BMPR1A: variants seen among roughly 807,000 people sequenced by gnomAD.
BMPR1A encodes the protein bone morphogenetic protein receptor type-1A.
A neutral mutation model predicts 66.0 loss-of-function variants in BMPR1A; 7 were observed. The ratio of observed to expected loss-of-function variants is 0.11; its 90% CI spans 0.06 to 0.20. The LOEUF (loss-of-function observed/expected upper bound fraction) is 0.20. BMPR1A is among the 10% of genes least tolerant of loss of function. The pLI, the probability that BMPR1A is intolerant of heterozygous loss-of-function variation, is 1.00. For synonymous variants in BMPR1A, 200 were observed against 229.7 expected (o/e 0.87, Z 1.17); for missense variants, 408 against 669.1 (o/e 0.61, Z 4.31).
chr10:86,763,146 G>A (rs563940011), intron 1 of BMPR1A, among the ~76,000 whole-genome samples: 6 of 152,064 alleles, frequency 3.9e-5, no homozygotes, highest in East Asian at 3.9e-4. Flanking sequence ...CGCCCACCTC[G>A]GCCTCCCAAA....
intron 1 of BMPR1A, among the ~76,000 whole-genome samples, chr10:86,766,516 G>T (rs1841164692): frequency 6.6e-6 from 1 of 152,000 alleles, no homozygotes; most frequent in Non-Finnish European, 1.5e-5. Flanking sequence ...GTGCAGATTG[G>T]ATGGAAAGTG....
At chr10:86,811,986 T>A (rs78362132) in intron 1 of BMPR1A, among the ~76,000 whole-genome samples, 1 of 150,510 alleles carries the variant, frequency 6.6e-6, no homozygotes, top group South Asian at 2.1e-4. Context: ...GAGGCTGAGA[T>A]GAGAGGATTG....
chr10:86,826,538 C>T (rs1842198490), intron 1 of BMPR1A, among the ~76,000 whole-genome samples: 1 of 152,054 alleles, frequency 6.6e-6, no homozygotes, highest in Non-Finnish European at 1.5e-5. Flanking sequence ...TTTATGAAAT[C>T]TCATCATATT....
intron 1 of BMPR1A, among the ~76,000 whole-genome samples, chr10:86,782,446 C>T (rs1443343707): frequency 6.6e-6 from 1 of 152,130 alleles, no homozygotes; most frequent in Non-Finnish European, 1.5e-5. Context: ...TATAGTCCCA[C>T]CAACAATGCA....
intron 1 of BMPR1A, among the ~76,000 whole-genome samples, chr10:86,773,597 G>GAAAAAAA (rs71019429): frequency 6.8e-4 from 68 of 99,732 alleles, no homozygotes; most frequent in East Asian, 1.8e-3. Flanking sequence ...GTCTCAGAAA[G>GAAAAAAA]AAAAAAAAAA....
chr10:86,919,133 C>T, intron 9 of BMPR1A, 39 bp from the exon 10 acceptor site: 1 of 1,610,484 alleles, frequency 6.2e-7, no homozygotes, highest in South Asian at 1.1e-5. Flanking sequence ...TAGCCTATCT[C>T]TGATGATAAC....
intron 2 of BMPR1A, among the ~76,000 whole-genome samples, chr10:86,853,596 C>CA (rs1564703827): frequency 6.9e-6 from 1 of 145,410 alleles, no homozygotes; most frequent in Non-Finnish European, 1.5e-5. Flanking sequence ...TTCTATTTTC[C>CA]GTAAGTGTTG....
rs114717055 is a variant in BMPR1A, at chr10:86,926,648, G to T, written c.*2929G>T. Reference sequence around the variant, plus strand: ...AGTGAAATATTTAAAGAATATGATAGGCCAGCAAGAAGAAGTATTATGTAG... The same window carrying T: ...AGTGAAATATTTAAAGAATATGATATGCCAGCAAGAAGAAGTATTATGTAG... On this transcript the variant is annotated 3_prime_UTR_variant, in exon 13 of 13. Transcript: ENST00000372037. 1.3e-3 allele frequency: 231 copies of T among 183,058 alleles called. 2 individuals carry two copies. The highest frequency in any genetic ancestry group is 5.3e-3 in the African/African-American group (224 of 42,652). 11.3% of individuals were successfully genotyped at this position (183,058 alleles called of 1,614,324 possible).
Position 86,797,243 on chromosome 10 carries a change from T to TC in BMPR1A, c.-268+40324_-268+40325insC. On this transcript the variant is annotated intron_variant, in intron 1 of 12. Coordinates refer to ENST00000372037, the MANE Select transcript of BMPR1A (RefSeq NM_004329.3). ...CCAAGCCCGGCTAATTTTTTTTTTT[T>TC]TTTTTGAGACGGAGTCTTGCTCTGT... Among the ~76,000 whole-genome samples, 2 of 139,788 alleles carry TC rather than the reference T, an allele frequency of 1.4e-5. 1 individual carries two copies. The highest frequency in any genetic ancestry group is 1.5e-4 in the Admixed American group (2 of 13,596). The allele number at this position is 139,788 out of a possible 152,430, so 91.7% of individuals were successfully genotyped here.
intron 1 of BMPR1A, among the ~76,000 whole-genome samples, chr10:86,778,634 T>C (rs1219534705): frequency 1.3e-5 from 2 of 152,304 alleles, no homozygotes; most frequent in African/African-American, 4.8e-5. Context: ...TATTTGAAAC[T>C]GTATATTATT....
intron 2 of BMPR1A, among the ~76,000 whole-genome samples, chr10:86,863,178 A>G (rs1049843583): frequency 9.9e-5 from 15 of 151,946 alleles, no homozygotes; most frequent in Non-Finnish European, 1.3e-4. Flanking sequence ...GGGTTTCACT[A>G]TGTTAGCCAG....
chr10:86,785,513 C>G (rs1393517059), intron 1 of BMPR1A, among the ~76,000 whole-genome samples: 4 of 152,206 alleles, frequency 2.6e-5, no homozygotes, highest in Non-Finnish European at 5.9e-5. Context: ...CCAATTTGGT[C>G]AGGCTGGTCC....
rs1843722180 is a variant in BMPR1A, at chr10:86,925,164, A to G, written c.*1445A>G. ...TAGCTACACTGTATAACTGTTCTTC[A>G]ATAAAATGGTTCATATTTTATAGAT... On this transcript the variant is annotated 3_prime_UTR_variant, in exon 13 of 13. Transcript: ENST00000372037. The G allele has an allele frequency of 4.3e-6, 1 of 231,364 alleles. No individual in the cohort carries two copies. The highest frequency in any genetic ancestry group is 1.8e-4 in the South Asian group (1 of 5,524). The allele number at this position is 231,364 out of a possible 1,614,324, so 14.3% of individuals were successfully genotyped here. A position where few individuals can be genotyped will look rare whatever the true frequency, so the allele number is the denominator to read the frequency against.
At chr10:86,911,921 G>T (rs1222078305) in intron 7 of BMPR1A, among the ~76,000 whole-genome samples, 1 of 152,084 alleles carries the variant, frequency 6.6e-6, no homozygotes, top group Non-Finnish European at 1.5e-5. Context: ...TCGAGGTTTG[G>T]GTTGGAATGT....
chr10:86,819,571 T>A (rs995047871), intron 1 of BMPR1A, among the ~76,000 whole-genome samples: 2 of 152,200 alleles, frequency 1.3e-5, no homozygotes, highest in African/African-American at 4.8e-5. Flanking sequence ...AGTGCTAGGA[T>A]TACAGGCGTG....
At chr10:86,894,607 A>C (rs571856167) in intron 5 of BMPR1A, among the ~76,000 whole-genome samples, 1 of 152,330 alleles carries the variant, frequency 6.6e-6, no homozygotes, top group South Asian at 2.1e-4. Context: ...CACCATTATA[A>C]GTTAGTTGTT....
At chr10:86,894,979 T>C (rs1190995819) in intron 5 of BMPR1A, among the ~76,000 whole-genome samples, 1 of 152,244 alleles carries the variant, frequency 6.6e-6, no homozygotes, top group African/African-American at 2.4e-5. Context: ...AGCAGTTCTC[T>C]TTCCCTTAGT....
chr10:86,918,577 C>T (rs1303500600), intron 9 of BMPR1A, among the ~76,000 whole-genome samples: 1 of 151,926 alleles, frequency 6.6e-6, no homozygotes, highest in Admixed American at 6.6e-5. Context: ...TAATATTCTC[C>T]AGGTTATTTG....
rs376614758 is a variant in BMPR1A, at chr10:86,897,337, AATTC to A, written c.334-2454_334-2451del. On this transcript the variant is annotated intron_variant, in intron 5 of 12. Coordinates refer to ENST00000372037, the MANE Select transcript of BMPR1A (RefSeq NM_004329.3). ...GGAAAAGGAAAGGCTGTGTCACCCA[AATTC>A]ATAATCTCGACAAACCCAATTTTTG... Among the ~76,000 whole-genome samples the A allele has an allele frequency of 2.6e-3, 396 of 152,254 alleles. 4 individuals are homozygous for A. Among genetic ancestry groups the A allele is most frequent in the African/African-American group, 9.2e-3 (381 of 41,546 alleles).
Sources: gnomAD v4.1 joint callset for allele counts (sites outside exome capture counted in the v4.1 genomes callset) on GRCh38, gnomAD v4.1.1 for gene constraint, MANE v1.5 for transcripts, NCBI Gene and HGNC (gene_info 2026-07-23, HGNC 2026-07-21) for gene names.